Variants in ROR2 observed in about 807,000 individuals in gnomAD.
ROR2 encodes tyrosine-protein kinase transmembrane receptor ROR2.
Under a neutral mutation model 74.9 loss-of-function variants are expected in ROR2, and 33 were observed. The observed-to-expected ratio is 0.44, with a 90% confidence interval of 0.33 to 0.59. The LOEUF is 0.59. Ranked by LOEUF, ROR2 falls within the 20% of genes least tolerant of loss-of-function variation. ROR2 has a pLI of 0.02. For missense variants in ROR2, 1,216 were observed against 1,313.8 expected, an observed-to-expected ratio of 0.93 and a Z score of 1.15; for synonymous variants, 586 against 558.7, an observed-to-expected ratio of 1.05 and a Z score of -0.69.
intron 1 of ROR2, among the ~76,000 whole-genome samples, chr9:91,900,509 G>A (rs1002532071): frequency 1.3e-5 from 2 of 152,230 alleles, no homozygotes; most frequent in Non-Finnish European, 2.9e-5. Context: ...GGGACCCGCA[G>A]GAAACAAGAA....
chr9:91,755,902 G>T, intron 4 of ROR2, 169 bp downstream of exon 4: 1 of 691,792 alleles, frequency 1.4e-6, no homozygotes. Flanking sequence ...CATGAAAAAT[G>T]TAAATGTTTC....
chr9:91,800,720 G>A (rs1440090877), intron 1 of ROR2, among the ~76,000 whole-genome samples: 1 of 152,220 alleles, frequency 6.6e-6, no homozygotes, highest in Admixed American at 6.5e-5. Context: ...CACTGCTGTT[G>A]TCCTCCCAAG....
At position 91,950,205 on chromosome 9, in the gene ROR2, C is replaced by T; in HGVS notation, c.-242G>A. ...CGGGCTGGGGCGTCCCGCCGGCCGC[C>T]AGGACGAGCGCGGGGGGCGGACCGC... On this transcript the variant is annotated 5_prime_UTR_variant, in exon 1 of 9. Coordinates refer to ENST00000375708, the MANE Select transcript of ROR2 (RefSeq NM_004560.4). 7.6e-6 allele frequency: 2 copies of T among 262,268 alleles called. No individual in the cohort carries two copies. The highest frequency in any genetic ancestry group is 1.4e-5 in the Non-Finnish European group (2 of 140,422). 16.2% of individuals were successfully genotyped at this position (262,268 alleles called of 1,614,324 possible).
rs60111555 is a variant in ROR2, at chr9:91,802,067, GTT to G, written c.98-26251_98-26250del. The stretch of plus-strand genomic sequence containing the variant: ...CAAACCTTTTCTTAATTTGGAAGGT[GTT>G]TTTTTTTTTTTTTTTTTTTTTGGAG... On this transcript the variant is annotated intron_variant, in intron 1 of 8. Transcript: ENST00000375708. Among the ~76,000 whole-genome samples, 344 of 103,676 alleles carry G rather than the reference GTT, an allele frequency of 3.3e-3. 5 individuals carry two copies. The highest frequency in any genetic ancestry group is 0.016 in the East Asian group (59 of 3,584). The allele number at this position is 103,676 out of a possible 152,430, so 68.0% of individuals were successfully genotyped here. A position where few individuals can be genotyped will look rare whatever the true frequency, so the allele number is the denominator to read the frequency against.
At chr9:91,803,954 A>G (rs1024432470) in intron 1 of ROR2, among the ~76,000 whole-genome samples, 2 of 152,206 alleles carry the variant, frequency 1.3e-5, no homozygotes, top group African/African-American at 2.4e-5. Context: ...GACACACCAC[A>G]TATTTTCTGG....
chr9:91,864,365 C>G (rs915813176), intron 1 of ROR2, among the ~76,000 whole-genome samples: 1 of 152,210 alleles, frequency 6.6e-6, no homozygotes, highest in Non-Finnish European at 1.5e-5. Context: ...CCACGCTGGG[C>G]CCCAAGTCCA....
intron 1 of ROR2, among the ~76,000 whole-genome samples, chr9:91,936,246 G>GT (rs1329519996): frequency 6.6e-6 from 1 of 152,206 alleles, no homozygotes; most frequent in African/African-American, 2.4e-5. Context: ...TAGGGCTGCC[G>GT]TAACTAAGCA....
At chr9:91,942,174 T>C (rs1228248461) in intron 1 of ROR2, among the ~76,000 whole-genome samples, 2 of 152,146 alleles carry the variant, frequency 1.3e-5, no homozygotes, top group Non-Finnish European at 2.9e-5. Context: ...CATTGTTTCA[T>C]AGAATGTCCC....
chr9:91,786,833 G>A (rs1437629421), intron 1 of ROR2, among the ~76,000 whole-genome samples: 1 of 152,166 alleles, frequency 6.6e-6, no homozygotes, highest in East Asian at 1.9e-4. Flanking sequence ...GACTATAACT[G>A]CAGTCAACAT....
chr9:91,723,584 T>G lies in ROR2; in HGVS notation c.*78A>C. ...GGGCTCTTGTGATTGCTGAGTATGG[T>G]GTCTTCTCAAAGGTGACTGAGGTCC... On this transcript the variant is annotated 3_prime_UTR_variant, in exon 9 of 9. Coordinates refer to ENST00000375708, the MANE Select transcript of ROR2 (RefSeq NM_004560.4). The G allele has an allele frequency of 6.4e-7, 1 of 1,568,812 alleles. No individual in the cohort carries two copies. The highest frequency in any genetic ancestry group is 8.6e-7 in the Non-Finnish European group (1 of 1,159,392).
At chr9:91,766,993 C>T (rs1277909723) in intron 2 of ROR2, among the ~76,000 whole-genome samples, 1 of 152,170 alleles carries the variant, frequency 6.6e-6, no homozygotes, top group East Asian at 1.9e-4. Flanking sequence ...GAGCTGAGTC[C>T]AAGCATCAAA....
chr9:91,756,170 AGGCCAGT>A, intron 3 of ROR2, 69 bp from the exon 4 acceptor site: 2 of 1,530,926 alleles, frequency 1.3e-6, no homozygotes, highest in East Asian at 2.3e-5. Flanking sequence ...TCTTCAAATC[AGGCCAGT>A]GGCAAACAGG....
chr9:91,781,677 T>A (rs1826623632), intron 1 of ROR2, among the ~76,000 whole-genome samples: 1 of 152,230 alleles, frequency 6.6e-6, no homozygotes, highest in Admixed American at 6.5e-5. Context: ...TAACAGTCTG[T>A]AATTTTTTAT....
intron 2 of ROR2, among the ~76,000 whole-genome samples, chr9:91,761,993 C>T (rs957332985): frequency 2.6e-5 from 4 of 152,200 alleles, no homozygotes; most frequent in African/African-American, 9.7e-5. Context: ...GCTGCATCAC[C>T]GGATTAAAGC....
At chr9:91,735,785 T>A (rs1014290053) in intron 5 of ROR2, among the ~76,000 whole-genome samples, 1 of 151,714 alleles carries the variant, frequency 6.6e-6, no homozygotes, top group African/African-American at 2.4e-5. Context: ...CCCAGCTAAT[T>A]TTTTGTGTTT....
chr9:91,929,543 A>C (rs1368687187), intron 1 of ROR2, among the ~76,000 whole-genome samples: 1 of 152,216 alleles, frequency 6.6e-6, no homozygotes, highest in Non-Finnish European at 1.5e-5. Context: ...AGTCATGTTT[A>C]GAGACACAAA....
chr9:91,784,398 T>G (rs1309326222), intron 1 of ROR2, among the ~76,000 whole-genome samples: 1 of 152,218 alleles, frequency 6.6e-6, no homozygotes, highest in Non-Finnish European at 1.5e-5. Flanking sequence ...CTTCAAATCC[T>G]GTCACCTACA....
At chr9:91,856,705 A>G (rs1456465524) in intron 1 of ROR2, among the ~76,000 whole-genome samples, 1 of 152,208 alleles carries the variant, frequency 6.6e-6, no homozygotes, top group Non-Finnish European at 1.5e-5. Flanking sequence ...ACGTTGTTTA[A>G]GCTGCCCAGT....
intron 7 of ROR2, among the ~76,000 whole-genome samples, chr9:91,728,126 C>A (rs902327507): frequency 6.6e-6 from 1 of 152,204 alleles, no homozygotes; most frequent in Non-Finnish European, 1.5e-5. Context: ...TGAGCTCACA[C>A]TGACACCATC....
Sources: allele counts gnomAD v4.1 joint callset (sites outside exome capture counted in the v4.1 genomes callset), GRCh38; gene constraint gnomAD v4.1.1; transcripts MANE v1.5; gene names NCBI Gene and HGNC (gene_info 2026-07-23, HGNC 2026-07-21).